The following HACE1 variants were observed in gnomAD, a reference collection of about 807,000 sequenced individuals.
The protein encoded by HACE1 is E3 ubiquitin-protein ligase HACE1.
HACE1 carries 73 observed loss-of-function variants against 118.4 expected under a neutral mutation model. The observed-to-expected ratio is 0.62, with a 90% confidence interval of 0.51 to 0.75. HACE1 has a LOEUF of 0.75. Ranked by LOEUF, HACE1 falls within the 30% of genes least tolerant of loss-of-function variation. The pLI, the probability that HACE1 is intolerant of heterozygous loss-of-function variation, is 0.00. For missense variants in HACE1, 749 were observed against 1,102.2 expected (o/e 0.68, Z 4.54); for synonymous variants, 368 against 374.8 (o/e 0.98, Z 0.21).
At chr6:104,755,416 T>C (rs1778485337) in intron 19 of HACE1, among the ~76,000 whole-genome samples, 1 of 152,218 alleles carries the variant, frequency 6.6e-6, no homozygotes, top group South Asian at 2.1e-4. Flanking sequence ...AACTCAGCTC[T>C]GTATCAAGTG....
At chr6:104,772,324 C>A (rs1011340105) in intron 17 of HACE1, among the ~76,000 whole-genome samples, 3 of 152,042 alleles carry the variant, frequency 2.0e-5, no homozygotes, top group African/African-American at 7.2e-5. Flanking sequence ...TTTTAGAGTA[C>A]TTTTGACTGA....
chr6:104,756,744 G>A (rs780268698), intron 19 of HACE1, among the ~76,000 whole-genome samples: 11 of 152,272 alleles, frequency 7.2e-5, no homozygotes, highest in South Asian at 2.1e-4. Context: ...GCAGGGTGTC[G>A]TTTCACCCGG....
chr6:104,791,793 T>G, intron 10 of HACE1, 139 bp from the exon 11 acceptor site: 1 of 631,572 alleles, frequency 1.6e-6, no homozygotes, highest in Non-Finnish European at 2.8e-6. Context: ...CCTATCATGA[T>G]AGGAGATAGA....
chr6:104,751,535 T>G (rs1397336476), intron 19 of HACE1, among the ~76,000 whole-genome samples: 1 of 152,102 alleles, frequency 6.6e-6, no homozygotes, highest in African/African-American at 2.4e-5. Context: ...GAGGCTGAGG[T>G]GGAAGCATTG....
chr6:104,859,871 T>G lies in HACE1; in HGVS notation c.-229A>C. ...CCCGCCGCCGCCTCTGCTCGCGCCT[T>G]TCCTGCAGCCCCCGCCGCCGCGTCC... On this transcript the variant is annotated 5_prime_UTR_variant, in exon 1 of 24. Coordinates refer to ENST00000262903, the MANE Select transcript of HACE1 (RefSeq NM_020771.4). The G allele has an allele frequency of 2.1e-6, 1 of 487,462 alleles. No homozygotes were observed. The highest frequency in any genetic ancestry group is 3.6e-6 in the Non-Finnish European group (1 of 276,958). 30.2% of individuals were successfully genotyped at this position (487,462 alleles called of 1,614,324 possible). A position where few individuals can be genotyped will look rare whatever the true frequency, so the allele number is the denominator to read the frequency against.
At chr6:104,793,949 G>C (rs142132999) in intron 10 of HACE1, among the ~76,000 whole-genome samples, 3 of 152,298 alleles carry the variant, frequency 2.0e-5, no homozygotes, top group East Asian at 1.9e-4. Context: ...GTTTAGCAGA[G>C]TAATTTTTTA....
At chr6:104,824,621 GAATA>G (rs1773118505) in intron 6 of HACE1, among the ~76,000 whole-genome samples, 1 of 152,136 alleles carries the variant, frequency 6.6e-6, no homozygotes, top group Non-Finnish European at 1.5e-5. Flanking sequence ...TAATTCAAGA[GAATA>G]AATTCTGGAT....
chr6:104,817,695 G>A (rs1259092838), intron 6 of HACE1, among the ~76,000 whole-genome samples: 2 of 152,114 alleles, frequency 1.3e-5, no homozygotes, highest in Non-Finnish European at 1.5e-5. Flanking sequence ...ATGAAGAAAC[G>A]CTGATTCATA....
chr6:104,842,452 A>C (rs1304411750), intron 5 of HACE1: 3 of 152,026 alleles, frequency 2.0e-5, no homozygotes, highest in Non-Finnish European at 4.4e-5. Flanking sequence ...GAAAATACAA[A>C]AGTTTTTTTT....
intron 6 of HACE1, among the ~76,000 whole-genome samples, chr6:104,831,584 CAAA>C (rs111566392): frequency 9.1e-6 from 1 of 110,364 alleles, no homozygotes. Context: ...GCCTCCGTCT[CAAA>C]AAAAAAAAGA....
intron 14 of HACE1, among the ~76,000 whole-genome samples, chr6:104,779,810 C>T (rs958773465): frequency 2.0e-5 from 3 of 152,008 alleles, no homozygotes; most frequent in African/African-American, 7.2e-5. Context: ...AATATACCTA[C>T]TTCAAGAGCT....
intron 6 of HACE1, among the ~76,000 whole-genome samples, chr6:104,829,047 C>T (rs911958828): frequency 6.6e-6 from 1 of 151,836 alleles, no homozygotes; most frequent in Non-Finnish European, 1.5e-5. Context: ...ATTTTTTCCC[C>T]ATTTAAAGTT....
At chr6:104,850,867 C>T (rs780298760) in intron 3 of HACE1, 40 bp downstream of exon 3, 9 of 1,155,124 alleles carry the variant, frequency 7.8e-6, no homozygotes, top group East Asian at 2.3e-5. Context: ...CTGATCCTTG[C>T]CCTAGATCAG....
intron 6 of HACE1, among the ~76,000 whole-genome samples, chr6:104,826,812 T>C (rs1010989788): frequency 3.3e-5 from 5 of 152,144 alleles, no homozygotes; most frequent in African/African-American, 1.2e-4. Context: ...AAATTTAGAA[T>C]TGCAAATTCC....
intron 15 of HACE1, 37 bp downstream of exon 15, chr6:104,777,169 T>G: frequency 6.4e-7 from 1 of 1,559,164 alleles, no homozygotes; most frequent in Non-Finnish European, 8.9e-7. Flanking sequence ...AAGCACTTTG[T>G]GCTTCACACA....
chr6:104,780,753 C>A (rs1781645308), intron 14 of HACE1, among the ~76,000 whole-genome samples: 1 of 152,128 alleles, frequency 6.6e-6, no homozygotes, highest in Non-Finnish European at 1.5e-5. Context: ...CATTTCAAGT[C>A]TTGCCAATTT....
chr6:104,814,739 C>T (rs1771942474), intron 6 of HACE1, among the ~76,000 whole-genome samples: 1 of 136,836 alleles, frequency 7.3e-6, no homozygotes, highest in Non-Finnish European at 1.6e-5. Context: ...CAGATTTCCC[C>T]CTTGCTGCTC....
intron 4 of HACE1, 110 bp downstream of exon 4, chr6:104,849,032 T>A (rs1775924205): frequency 1.4e-6 from 1 of 719,292 alleles, no homozygotes; most frequent in Non-Finnish European, 2.5e-6. Flanking sequence ...ATTATTTTAG[T>A]TTTTCCCAAG....
chr6:104,807,555 C>G (rs1196522403), intron 7 of HACE1, among the ~76,000 whole-genome samples: 1 of 152,022 alleles, frequency 6.6e-6, no homozygotes, highest in Non-Finnish European at 1.5e-5. Context: ...ACCTGAAAAC[C>G]ATTATACATC....
Sources: gnomAD v4.1 joint callset for allele counts (sites outside exome capture counted in the v4.1 genomes callset) on GRCh38, gnomAD v4.1.1 for gene constraint, MANE v1.5 for transcripts, NCBI Gene and HGNC (gene_info 2026-07-23, HGNC 2026-07-21) for gene names.